The following FAM78B variants were observed in gnomAD, a reference collection of about 807,000 sequenced individuals.
FAM78B encodes protein FAM78B.
Under a neutral mutation model 20.0 loss-of-function variants are expected in FAM78B, and 10 were observed. The ratio of observed to expected loss-of-function variants is 0.50; its 90% CI spans 0.31 to 0.85. FAM78B has a LOEUF of 0.85. Among genes scored for constraint, FAM78B ranks in the 40% least tolerant of loss-of-function variants. The pLI is 0.05. For synonymous variants in FAM78B, 135 were observed against 132.8 expected (o/e 1.02, Z -0.12); for missense variants, 283 against 345.0 (o/e 0.82, Z 1.42).
intron 1 of FAM78B, among the ~76,000 whole-genome samples, chr1:166,095,513 C>T (rs1456540215): frequency 1.3e-5 from 2 of 152,132 alleles, no homozygotes; most frequent in Non-Finnish European, 2.9e-5. Flanking sequence ...GTGTACTCTT[C>T]CTAGCCAATG....
chr1:166,056,141 C>T (rs1464778770), downstream of FAM78B, among the ~76,000 whole-genome samples: 1 of 152,154 alleles, frequency 6.6e-6, no homozygotes, highest in African/African-American at 2.4e-5. Context: ...TTTAAAAATA[C>T]TCCCTCACCC....
At chr1:166,102,453 C>T (rs1653565706) in intron 1 of FAM78B, among the ~76,000 whole-genome samples, 1 of 152,136 alleles carries the variant, frequency 6.6e-6, no homozygotes, top group Non-Finnish European at 1.5e-5. Context: ...GTGCTGTATT[C>T]AGGAAACCCG....
intron 1 of FAM78B, among the ~76,000 whole-genome samples, chr1:166,158,201 T>C (rs957130131): frequency 6.6e-6 from 1 of 152,174 alleles, no homozygotes; most frequent in Non-Finnish European, 1.5e-5. Flanking sequence ...GGTACATGAC[T>C]GTGGTCCCAA....
intron 1 of FAM78B, among the ~76,000 whole-genome samples, chr1:166,149,198 T>C (rs1452671299): frequency 6.6e-6 from 1 of 152,228 alleles, no homozygotes; most frequent in Non-Finnish European, 1.5e-5. Context: ...TTTCTAGTTC[T>C]AGATCCCTGA....
chr1:166,104,007 G>C (rs1653657116), intron 1 of FAM78B, among the ~76,000 whole-genome samples: 1 of 152,154 alleles, frequency 6.6e-6, no homozygotes, highest in Admixed American at 6.5e-5. Flanking sequence ...TATCCACCAT[G>C]ATCAAGTGGG....
chr1:166,087,521 G>A (rs1652881573), intron 1 of FAM78B: 1 of 152,204 alleles, frequency 6.6e-6, no homozygotes, highest in Admixed American at 6.5e-5. Context: ...TGAGCACCTA[G>A]CGTACTTCAG....
chr1:166,153,845 C>A (rs542102908), intron 1 of FAM78B, among the ~76,000 whole-genome samples: 1 of 152,148 alleles, frequency 6.6e-6, no homozygotes, highest in African/African-American at 2.4e-5. Flanking sequence ...CTCTATACCC[C>A]CCTTAGATCC....
chr1:166,084,326 G>A (rs1652720274), intron 1 of FAM78B, among the ~76,000 whole-genome samples: 1 of 150,674 alleles, frequency 6.6e-6, no homozygotes, highest in Admixed American at 6.6e-5. Context: ...AAAAATATCT[G>A]CTCTGGAAGC....
At chr1:166,075,623 G>A (rs1054513902) in intron 1 of FAM78B, among the ~76,000 whole-genome samples, 5 of 152,222 alleles carry the variant, frequency 3.3e-5, no homozygotes, top group Non-Finnish European at 5.9e-5. Flanking sequence ...TCTGGCACAT[G>A]ATGCATACTT....
In FAM78B at chr1:166,144,180, C is replaced by T. The variant is rs545742762; in HGVS notation, c.263+21806G>A. ...CCACTTCAATTATTTAGGAGATGAA[C>T]GCCAAACTCTAAATTTCCTGTCAGT... On this transcript the variant is annotated intron_variant, in intron 1 of 1. Coordinates refer to ENST00000354422, the MANE Select transcript of FAM78B (RefSeq NM_001017961.5). Among the ~76,000 whole-genome samples the T allele has an allele frequency of 4.6e-5, 7 of 152,186 alleles. No homozygotes were observed. The South Asian group carries it at 8.3e-4, about 18-fold the overall frequency.
intron 1 of FAM78B, among the ~76,000 whole-genome samples, chr1:166,111,318 A>G (rs1654049762): frequency 6.6e-6 from 1 of 152,188 alleles, no homozygotes. Flanking sequence ...GTAAGGTTAT[A>G]TTGAATTTCA....
At chr1:166,103,736 A>T (rs908168008) in intron 1 of FAM78B, among the ~76,000 whole-genome samples, 8 of 152,224 alleles carry the variant, frequency 5.3e-5, no homozygotes, top group African/African-American at 1.7e-4. Context: ...AAAAAAGTCC[A>T]GGTCCAGATA....
chr1:166,064,724 G>C (rs74118965), downstream of FAM78B, among the ~76,000 whole-genome samples: 22,799 of 152,186 alleles, frequency 0.15, 1,883 homozygotes, highest in African/African-American at 0.22. Context: ...CCTGCCATCA[G>C]CTTCAGGCCC....
intron 1 of FAM78B, among the ~76,000 whole-genome samples, chr1:166,123,836 C>T (rs10918371): frequency 6.6e-6 from 1 of 152,096 alleles, no homozygotes; most frequent in African/African-American, 2.4e-5. Context: ...TCCACCCCAG[C>T]TCCAGCAAAA....
chr1:166,086,728 G>A (rs879526793), intron 1 of FAM78B, among the ~76,000 whole-genome samples: 12 of 152,220 alleles, frequency 7.9e-5, no homozygotes, highest in Non-Finnish European at 1.6e-4. Flanking sequence ...GCAGCTGAGT[G>A]TGTACCCTGG....
At chr1:166,067,997 G>GT (rs1651864458), downstream of FAM78B, among the ~76,000 whole-genome samples, 1 of 152,168 alleles carries the variant, frequency 6.6e-6, no homozygotes, top group Admixed American at 6.5e-5. Context: ...ATATAGTTGT[G>GT]TAAGTCATAT....
intron 1 of FAM78B, among the ~76,000 whole-genome samples, chr1:166,086,667 T>TG (rs148806856): frequency 6.6e-6 from 1 of 152,256 alleles, no homozygotes; most frequent in East Asian, 1.9e-4. Flanking sequence ...GCAGCAGATG[T>TG]GGGGAGTTTC....
At chr1:166,081,417 C>T (rs1652569218) in intron 1 of FAM78B, among the ~76,000 whole-genome samples, 1 of 152,102 alleles carries the variant, frequency 6.6e-6, no homozygotes, top group African/African-American at 2.4e-5. Context: ...GGGTCGTTGG[C>T]CAGTTTTCTA....
intron 1 of FAM78B, among the ~76,000 whole-genome samples, chr1:166,090,798 AGCCATCTG>A (rs879320949): frequency 9.2e-5 from 14 of 152,172 alleles, no homozygotes; most frequent in African/African-American, 3.1e-4. Context: ...CAGCAGCAAA[AGCCATCTG>A]GCCATCTGGG....
Sources: allele counts gnomAD v4.1 joint callset (sites outside exome capture counted in the v4.1 genomes callset), GRCh38; gene constraint gnomAD v4.1.1; transcripts MANE v1.5; gene names NCBI Gene and HGNC (gene_info 2026-07-23, HGNC 2026-07-21).